The following DNM1L variants were observed in gnomAD, a reference collection of about 807,000 sequenced individuals.
The protein encoded by DNM1L is dynamin 1L.
Under a neutral mutation model 92.8 loss-of-function variants are expected in DNM1L, and 33 were observed. That is an observed-to-expected ratio of 0.36 (90% CI 0.27 to 0.48). DNM1L has a LOEUF of 0.48. Ranked by LOEUF, DNM1L falls within the 20% of genes least tolerant of loss-of-function variation. The probability of loss-of-function intolerance (pLI) is 0.99; values close to 1 mark genes in which losing one functional copy is unlikely to be tolerated. For synonymous variants in DNM1L, 284 were observed against 305.0 expected (o/e 0.93, Z 0.72); for missense variants, 485 against 888.8 (o/e 0.55, Z 5.78).
chr12:32,740,441 G>C lies in DNM1L; in HGVS notation c.1917G>C (p.Arg639=). 4 of 1,613,966 alleles carry C rather than the reference G, an allele frequency of 2.5e-6. No individual in the cohort carries two copies. The highest frequency in any genetic ancestry group is 3.4e-6 in the Non-Finnish European group (4 of 1,179,960). Reference sequence around the variant, plus strand: ...CTGTTGCACGAAAACTATCTGCTCGGGAACAGCGAGATTGTGAGGTTATTG... The same window carrying C: ...CTGTTGCACGAAAACTATCTGCTCGCGAACAGCGAGATTGTGAGGTTATTG... The part of the protein sequence containing the change: ...PVPVARKLSA[R]EQRDCEVIER... Residue 639 remains arginine (R), a synonymous_variant, in exon 18 of 20, where the codon CGG becomes CGC. Transcript: ENST00000549701.
intron 1 of DNM1L, among the ~76,000 whole-genome samples, chr12:32,696,782 G>A (rs1334513670): frequency 2.0e-5 from 3 of 150,926 alleles, no homozygotes; most frequent in African/African-American, 7.3e-5. Flanking sequence ...CTGCCACCAC[G>A]CCCGGCTAAT....
intron 1 of DNM1L, among the ~76,000 whole-genome samples, chr12:32,690,175 T>C (rs900890138): frequency 2.6e-5 from 4 of 152,198 alleles, no homozygotes; most frequent in Non-Finnish European, 5.9e-5. Context: ...GCCAGTACCA[T>C]TTATAGTAGT....
intron 6 of DNM1L, among the ~76,000 whole-genome samples, chr12:32,714,307 C>T (rs569640731): frequency 3.6e-5 from 5 of 139,280 alleles, no homozygotes; most frequent in Non-Finnish European, 7.6e-5. Context: ...GAGTCTTGCT[C>T]TATCTCCCAG....
At chr12:32,705,691 G>A in intron 2 of DNM1L, 2 of 809,640 alleles carry the variant, frequency 2.5e-6, no homozygotes, top group South Asian at 1.9e-5. Flanking sequence ...ACTTTCGTCA[G>A]TAAATTTTGA....
intron 9 of DNM1L, among the ~76,000 whole-genome samples, chr12:32,724,664 A>AT (rs1491297576): frequency 2.8e-5 from 4 of 142,256 alleles, no homozygotes; most frequent in South Asian, 2.1e-4. Flanking sequence ...ATATATATAT[A>AT]AAAAATAATA....
At chr12:32,740,922 C>T (rs1475260939) in intron 18 of DNM1L, among the ~76,000 whole-genome samples, 1 of 152,150 alleles carries the variant, frequency 6.6e-6, no homozygotes, top group Admixed American at 6.5e-5. Flanking sequence ...TATTTTTTCT[C>T]GTTCAGAATG....
intron 1 of DNM1L, among the ~76,000 whole-genome samples, chr12:32,697,259 A>G (rs1207634637): frequency 6.6e-6 from 1 of 152,090 alleles, no homozygotes; most frequent in Non-Finnish European, 1.5e-5. Context: ...CACAAACAAT[A>G]TGCTAGAATT....
rs887849499 is a variant in DNM1L, at chr12:32,699,816, A to G, written c.103-1599A>G. Among the ~76,000 whole-genome samples the G allele has an allele frequency of 3.2e-3, 481 of 151,264 alleles. 7 individuals are homozygous for G. The highest frequency in any genetic ancestry group is 0.014 in the Middle Eastern group (4 of 290). ...CATCTCAAAAAAAAAAAAAAAAAAAAAAAGCAATGATGTTTAATACTGATG... is the reference window on the plus strand; with the variant it reads ...CATCTCAAAAAAAAAAAAAAAAAAAGAAAGCAATGATGTTTAATACTGATG... On this transcript the variant is annotated intron_variant, in intron 1 of 19. Coordinates refer to ENST00000549701, the MANE Select transcript of DNM1L (RefSeq NM_012062.5).
At chr12:32,679,944 GAGTT>G in intron 1 of DNM1L, 1 of 985,702 alleles carries the variant, frequency 1.0e-6, no homozygotes, top group Non-Finnish European at 1.2e-6. Flanking sequence ...AGGGACTGCG[GAGTT>G]AGTTTTGGAA....
intron 4 of DNM1L, among the ~76,000 whole-genome samples, chr12:32,708,912 T>C (rs1357623982): frequency 6.6e-6 from 1 of 152,158 alleles, no homozygotes; most frequent in Non-Finnish European, 1.5e-5. Flanking sequence ...AGATTTTTAT[T>C]TCCCTTCCTT....
chr12:32,729,789 A>G (rs570767533), intron 9 of DNM1L, among the ~76,000 whole-genome samples: 25 of 152,246 alleles, frequency 1.6e-4, no homozygotes, highest in Admixed American at 6.5e-4. Flanking sequence ...GAATTTGCCT[A>G]TTGTAGATAT....
intron 1 of DNM1L, among the ~76,000 whole-genome samples, chr12:32,680,479 A>G (rs1951765139): frequency 6.6e-6 from 1 of 152,200 alleles, no homozygotes; most frequent in Non-Finnish European, 1.5e-5. Context: ...ATTAGTGGCT[A>G]TCCAAACACT....
At chr12:32,699,308 A>G (rs1428558473) in intron 1 of DNM1L, among the ~76,000 whole-genome samples, 2 of 148,130 alleles carry the variant, frequency 1.4e-5, no homozygotes, top group South Asian at 2.1e-4. Context: ...GAAAATTTCA[A>G]AATAAAAAGT....
intron 6 of DNM1L, among the ~76,000 whole-genome samples, chr12:32,716,742 G>GTGTATA (rs1555120329): frequency 2.9e-5 from 4 of 139,172 alleles, no homozygotes; most frequent in Admixed American, 1.5e-4. Context: ...ACTATATATA[G>GTGTATA]TATATATATA....
intron 1 of DNM1L, among the ~76,000 whole-genome samples, chr12:32,680,738 CAT>C (rs1211824807): frequency 6.6e-6 from 1 of 152,162 alleles, no homozygotes; most frequent in East Asian, 1.9e-4. Flanking sequence ...CAGTCTGGGA[CAT>C]ATAGTAAGTG....
chr12:32,742,583 T>C lies in DNM1L; in HGVS notation c.1995-6T>C. The C allele has an allele frequency of 1.2e-6, 2 of 1,614,058 alleles. No homozygotes were observed. Among genetic ancestry groups the C allele is most frequent in the Non-Finnish European group, 1.7e-6 (2 of 1,179,964 alleles). On this transcript the variant is annotated splice_polypyrimidine_tract_variant and splice_region_variant and intron_variant, in intron 18 of 19. Transcript: ENST00000549701. The stretch of plus-strand genomic sequence containing the variant: ...TAAAATTCCATAATTTGGTTGTGTT[T>C]TGCAGTGTGCCAAAGGCAGTAATGC...
intron 9 of DNM1L, among the ~76,000 whole-genome samples, chr12:32,730,337 C>T (rs1045308484): frequency 9.2e-5 from 14 of 152,148 alleles, no homozygotes; most frequent in Non-Finnish European, 1.6e-4. Context: ...GCACTCCAGC[C>T]TGGGCGACAC....
rs182150394 is a variant in DNM1L at position 32,721,619 on chromosome 12, T to C, written c.873-808T>C. Among the ~76,000 whole-genome samples the C allele has an allele frequency of 2.3e-3, 346 of 152,320 alleles. 5 individuals carry two copies. The highest frequency in any genetic ancestry group is 0.02 in the Middle Eastern group (6 of 294). ...GCAGATATATGGGGAGTTTTCCCCA[T>C]ACATCAAGCAAGGAATTCTCCAGGG... On this transcript the variant is annotated intron_variant, in intron 8 of 19. Transcript: ENST00000549701.
At chr12:32,681,568 C>T (rs1314027205) in intron 1 of DNM1L, among the ~76,000 whole-genome samples, 3 of 142,684 alleles carry the variant, frequency 2.1e-5, no homozygotes, top group Non-Finnish European at 4.6e-5. Flanking sequence ...CCACACCGCC[C>T]CCCCCGCCCC....
Sources: gnomAD v4.1 joint callset for allele counts (sites outside exome capture counted in the v4.1 genomes callset) on GRCh38, gnomAD v4.1.1 for gene constraint, MANE v1.5 for transcripts, NCBI Gene and HGNC (gene_info 2026-07-23, HGNC 2026-07-21) for gene names.